Variants in ADARB2 observed in about 807,000 individuals in gnomAD.
ADARB2 encodes the protein inactive double-stranded RNA-specific editase B2.
ADARB2 carries 25 observed loss-of-function variants against 62.2 expected under a neutral mutation model. The observed-to-expected ratio is 0.40, with a 90% confidence interval of 0.29 to 0.56. The LOEUF is 0.56. ADARB2 is among the 20% of genes least tolerant of loss of function. The probability of loss-of-function intolerance (pLI) is 0.43; values close to 1 mark genes in which losing one functional copy is unlikely to be tolerated. For missense variants in ADARB2, 1,071 were observed against 1,077.4 expected (o/e 0.99, Z 0.08); for synonymous variants, 572 against 500.8 (o/e 1.14, Z -1.90).
chr10:1,540,981 T>C (rs74209452), intron 1 of ADARB2, among the ~76,000 whole-genome samples: 812 of 9,088 alleles, frequency 0.089, 9 homozygotes, highest in African/African-American at 0.17. Context: ...CCGTCCAGAC[T>C]CCACTCAGAC....
chr10:1,373,552 T>C (rs1331205821), intron 2 of ADARB2, among the ~76,000 whole-genome samples: 1 of 152,200 alleles, frequency 6.6e-6, no homozygotes, highest in African/African-American at 2.4e-5. Flanking sequence ...CATGCGTGTG[T>C]GTGTGCATTA....
intron 1 of ADARB2, among the ~76,000 whole-genome samples, chr10:1,603,947 G>A (rs955973159): frequency 1.3e-5 from 2 of 152,020 alleles, no homozygotes; most frequent in African/African-American, 4.8e-5. Flanking sequence ...TGGGATTACA[G>A]GTGCACACCA....
intron 1 of ADARB2, among the ~76,000 whole-genome samples, chr10:1,570,621 C>T (rs148088401): frequency 4.6e-5 from 7 of 152,324 alleles, no homozygotes; most frequent in South Asian, 2.1e-4. Flanking sequence ...AGTCTCATGC[C>T]CCCTGGCCTG....
chr10:1,389,745 TCAAAAA>T, intron 1 of ADARB2, among the ~76,000 whole-genome samples: 5 of 117,452 alleles, frequency 4.3e-5, no homozygotes, highest in African/African-American at 1.6e-4. Flanking sequence ...AGACTCTGAC[TCAAAAA>T]TAAATAAATA....
chr10:1,291,028 C>T (rs576244624), intron 3 of ADARB2: 1 of 152,158 alleles, frequency 6.6e-6, no homozygotes, highest in Non-Finnish European at 1.5e-5. Context: ...TTGCATTCAT[C>T]TGGATTTAAA....
At chr10:1,223,074 T>C (rs974950325) in intron 6 of ADARB2, among the ~76,000 whole-genome samples, 3 of 152,256 alleles carry the variant, frequency 2.0e-5, no homozygotes, top group African/African-American at 4.8e-5. Context: ...GATTTGTTTG[T>C]GTCCTCTTTT....
chr10:1,643,999 A>T (rs1834006995), intron 1 of ADARB2, among the ~76,000 whole-genome samples: 1 of 152,206 alleles, frequency 6.6e-6, no homozygotes. Context: ...CACGCAGCCC[A>T]CACGGCTGTC....
intron 4 of ADARB2, among the ~76,000 whole-genome samples, chr10:1,256,812 T>TCA (rs1831083610): frequency 2.0e-5 from 3 of 152,124 alleles, no homozygotes; most frequent in East Asian, 1.9e-4. Flanking sequence ...AAAGTCTATT[T>TCA]ATCTCCTCAT....
chr10:1,669,796 TCA>T (rs1488741995), intron 1 of ADARB2, among the ~76,000 whole-genome samples: 4 of 114,436 alleles, frequency 3.5e-5, no homozygotes, highest in Admixed American at 3.3e-4. Flanking sequence ...ACAGACACAG[TCA>T]CAGAGACAAA....
chr10:1,476,520 G>A (rs899459111), intron 1 of ADARB2, among the ~76,000 whole-genome samples: 1 of 152,180 alleles, frequency 6.6e-6, no homozygotes, highest in Non-Finnish European at 1.5e-5. Flanking sequence ...CCCAGAAGCT[G>A]AGGCCTGAAC....
chr10:1,420,802 G>T (rs1832845951), intron 1 of ADARB2, among the ~76,000 whole-genome samples: 1 of 152,126 alleles, frequency 6.6e-6, no homozygotes, highest in Non-Finnish European at 1.5e-5. Context: ...CCCAGGGCTA[G>T]CCACAAATTA....
chr10:1,672,571 G>C (rs1588346891), intron 1 of ADARB2, among the ~76,000 whole-genome samples: 1 of 151,022 alleles, frequency 6.6e-6, no homozygotes, highest in Non-Finnish European at 1.5e-5. Context: ...CTCCCCCCAT[G>C]CACGCGCTTC....
intron 1 of ADARB2, among the ~76,000 whole-genome samples, chr10:1,544,096 A>G (rs1041891284): frequency 4.6e-5 from 7 of 151,674 alleles, no homozygotes; most frequent in African/African-American, 1.5e-4. Context: ...TGTTTTCCTG[A>G]CCGTGGAGTA....
intron 1 of ADARB2, among the ~76,000 whole-genome samples, chr10:1,698,499 T>G (rs536015338): frequency 6.6e-6 from 1 of 152,362 alleles, no homozygotes. Flanking sequence ...AATAACAATA[T>G]GTTGCTCATG....
intron 1 of ADARB2, among the ~76,000 whole-genome samples, chr10:1,445,346 C>T (rs959036941): frequency 4.0e-5 from 6 of 151,636 alleles, no homozygotes; most frequent in Non-Finnish European, 7.4e-5. Context: ...CGTTATTCAT[C>T]CCTCTACATC....
At chr10:1,633,556 C>CTATCTATCTATCTATCTA (rs1833872089) in intron 1 of ADARB2, among the ~76,000 whole-genome samples, 16 of 107,978 alleles carry the variant, frequency 1.5e-4, no homozygotes, top group African/African-American at 4.5e-4. Context: ...TATCATCTAT[C>CTATCTATCTATCTATCTA]TATCTATCTA....
rs368739588 is a variant in ADARB2, at chr10:1,260,332, C to T, written c.1192+10623G>A. ...TCAGGCAGGAGAAGGAAATAAAGGG[C>T]ATTCAGTTAGGAAAAGAGGAAGTCA... On this transcript the variant is annotated intron_variant, in intron 4 of 9. Coordinates refer to ENST00000381312, the MANE Select transcript of ADARB2 (RefSeq NM_018702.4). Among the ~76,000 whole-genome samples, 9 of 152,100 alleles carry T rather than the reference C, an allele frequency of 5.9e-5. No homozygotes were observed. In the South Asian group the frequency reaches 1.5e-3, roughly 25 times the overall value.
At chr10:1,186,661 G>A (rs928721341) in intron 8 of ADARB2, 27 of 472,148 alleles carry the variant, frequency 5.7e-5, no homozygotes, top group Non-Finnish European at 1.1e-4. Flanking sequence ...GGCCCGTCAT[G>A]CATCACGTGA....
chr10:1,521,299 G>C lies in ADARB2; in HGVS notation c.101-142139C>G, dbSNP rs190197880. Among the ~76,000 whole-genome samples, 116 of 152,284 alleles carry C rather than the reference G, an allele frequency of 7.6e-4. 1 individual carries two copies. The highest frequency in any genetic ancestry group is 6.8e-3 in the Middle Eastern group (2 of 294). Reference sequence around the variant, plus strand: ...TAGTGGTTAAAAGCAAGTCTTTGAAGCCCAATGGACTCAGGTGTGGATTCG... The same window carrying C: ...TAGTGGTTAAAAGCAAGTCTTTGAACCCCAATGGACTCAGGTGTGGATTCG... On this transcript the variant is annotated intron_variant, in intron 1 of 9. Transcript: ENST00000381312.
Sources: gnomAD v4.1 joint callset for allele counts (sites outside exome capture counted in the v4.1 genomes callset) on GRCh38, gnomAD v4.1.1 for gene constraint, MANE v1.5 for transcripts, NCBI Gene and HGNC (gene_info 2026-07-23, HGNC 2026-07-21) for gene names.